Variants in VTI1A observed in about 807,000 individuals in gnomAD.
VTI1A encodes the protein vesicle transport through interaction with t-SNAREs 1A.
VTI1A carries 22 observed loss-of-function variants against 34.9 expected under a neutral mutation model. That is an observed-to-expected ratio of 0.63 (90% CI 0.45 to 0.90). The LOEUF is 0.90. Ranked by LOEUF, VTI1A falls within the 40% of genes least tolerant of loss-of-function variation. The pLI, the probability that VTI1A is intolerant of heterozygous loss-of-function variation, is 0.00. For missense variants in VTI1A, 268 were observed against 275.6 expected (o/e 0.97, Z 0.20); for synonymous variants, 87 against 97.3 (o/e 0.89, Z 0.62).
intron 5 of VTI1A, among the ~76,000 whole-genome samples, chr10:112,551,494 G>A (rs541947748): frequency 6.6e-6 from 1 of 152,124 alleles, no homozygotes; most frequent in African/African-American, 2.4e-5. Flanking sequence ...CAAATTTTGC[G>A]TTTGGAATTA....
intron 7 of VTI1A, among the ~76,000 whole-genome samples, chr10:112,734,042 G>A (rs550139748): frequency 1.3e-5 from 2 of 152,150 alleles, no homozygotes; most frequent in East Asian, 1.9e-4. Context: ...GTGAGCCACC[G>A]TGCCTGGCCT....
chr10:112,590,206 G>T (rs757433900), intron 5 of VTI1A, among the ~76,000 whole-genome samples: 2 of 152,112 alleles, frequency 1.3e-5, no homozygotes, highest in Non-Finnish European at 2.9e-5. Flanking sequence ...TTGATATTAA[G>T]AAAATTTTAT....
chr10:112,637,215 A>G (rs1333220642), intron 5 of VTI1A, among the ~76,000 whole-genome samples: 1 of 152,140 alleles, frequency 6.6e-6, no homozygotes, highest in Non-Finnish European at 1.5e-5. Context: ...GAAACAGTTT[A>G]CTTTTATGAT....
At chr10:112,530,422 C>A (rs1244695290) in intron 4 of VTI1A, among the ~76,000 whole-genome samples, 3 of 152,096 alleles carry the variant, frequency 2.0e-5, no homozygotes, top group African/African-American at 7.2e-5. Context: ...TTCATGAGAA[C>A]CATTCTCATA....
At chr10:112,735,808 C>A (rs527557056) in intron 7 of VTI1A, among the ~76,000 whole-genome samples, 1 of 152,092 alleles carries the variant, frequency 6.6e-6, no homozygotes, top group South Asian at 2.1e-4. Flanking sequence ...AATTAATATT[C>A]TGTCAGTCTG....
chr10:112,519,192 A>G (rs536490677), intron 3 of VTI1A, among the ~76,000 whole-genome samples: 3 of 152,226 alleles, frequency 2.0e-5, no homozygotes, highest in African/African-American at 4.8e-5. Context: ...GCTGATTCCA[A>G]TCTAGAATTT....
intron 7 of VTI1A, among the ~76,000 whole-genome samples, chr10:112,739,374 T>G (rs911721588): frequency 5.3e-5 from 8 of 152,186 alleles, no homozygotes; most frequent in African/African-American, 1.9e-4. Flanking sequence ...CTTAGACAGA[T>G]ACTGTTGAAT....
At chr10:112,474,040 CT>C (rs1335496770) in intron 3 of VTI1A, among the ~76,000 whole-genome samples, 5 of 151,878 alleles carry the variant, frequency 3.3e-5, no homozygotes, top group Non-Finnish European at 7.4e-5. Context: ...AAGAATATTT[CT>C]TTTAGTTATT....
intron 3 of VTI1A, among the ~76,000 whole-genome samples, chr10:112,465,799 A>G (rs1031565541): frequency 6.6e-6 from 1 of 152,220 alleles, no homozygotes; most frequent in South Asian, 2.1e-4. Context: ...GTTACTCAAC[A>G]ATGTGAATAT....
At chr10:112,473,609 C>T (rs927836058) in intron 3 of VTI1A, among the ~76,000 whole-genome samples, 4 of 152,086 alleles carry the variant, frequency 2.6e-5, no homozygotes, top group African/African-American at 9.7e-5. Flanking sequence ...TGATTAGGAT[C>T]GTCTCTCAGA....
chr10:112,545,548 G>C (rs2134276830), intron 5 of VTI1A, among the ~76,000 whole-genome samples: 1 of 152,136 alleles, frequency 6.6e-6, no homozygotes, highest in South Asian at 2.1e-4. Flanking sequence ...TTGTCATTTT[G>C]GTCAATTTTG....
At chr10:112,841,007 AGTG>A in the VTI1A span, among the ~76,000 whole-genome samples, 1 of 152,164 alleles carries the variant, frequency 6.6e-6, no homozygotes, top group African/African-American at 2.4e-5. Context: ...AGCAGCCAGA[AGTG>A]GTGGTGATAA....
At chr10:112,489,952 T>G (rs570925410) in intron 3 of VTI1A, among the ~76,000 whole-genome samples, 1 of 152,180 alleles carries the variant, frequency 6.6e-6, no homozygotes, top group South Asian at 2.1e-4. Flanking sequence ...GATTAGAAAA[T>G]TGAGCTGTTG....
chr10:112,516,640 A>G (rs1420349342), intron 3 of VTI1A, among the ~76,000 whole-genome samples: 1 of 152,066 alleles, frequency 6.6e-6, no homozygotes, highest in Non-Finnish European at 1.5e-5. Flanking sequence ...GATGAGAAAT[A>G]TATGTTAATA....
intron 7 of VTI1A, among the ~76,000 whole-genome samples, chr10:112,752,142 A>G (rs941206648): frequency 3.9e-5 from 6 of 152,214 alleles, no homozygotes; most frequent in East Asian, 1.9e-4. Context: ...ATGTAAAACT[A>G]TAAGCTGAAA....
chr10:112,664,210 C>T (rs1398182931), intron 5 of VTI1A, among the ~76,000 whole-genome samples: 1 of 152,108 alleles, frequency 6.6e-6, no homozygotes, highest in Non-Finnish European at 1.5e-5. Context: ...CCTGCATATT[C>T]CAAATGACTA....
intron 7 of VTI1A, among the ~76,000 whole-genome samples, chr10:112,736,084 G>T (rs1480812980): frequency 1.5e-4 from 17 of 114,736 alleles, no homozygotes; most frequent in African/African-American, 4.6e-4. Context: ...TTTATATATA[G>T]TATATTTTAC....
intron 5 of VTI1A, among the ~76,000 whole-genome samples, chr10:112,638,429 T>C (rs1022532055): frequency 3.9e-5 from 6 of 152,262 alleles, no homozygotes; most frequent in Non-Finnish European, 7.3e-5. Flanking sequence ...ATTTGTAAGC[T>C]GATCTTATTA....
chr10:112,772,460 C>T (rs184519078), intron 7 of VTI1A, among the ~76,000 whole-genome samples: 4 of 152,316 alleles, frequency 2.6e-5, no homozygotes, highest in African/African-American at 9.6e-5. Flanking sequence ...ATTGTATATA[C>T]GATCTGCAAA....
Sources: allele counts gnomAD v4.1 joint callset (sites outside exome capture counted in the v4.1 genomes callset), GRCh38; gene constraint gnomAD v4.1.1; transcripts MANE v1.5; gene names NCBI Gene and HGNC (gene_info 2026-07-23, HGNC 2026-07-21).